The following CDKAL1 variants were observed in gnomAD, a reference collection of about 807,000 sequenced individuals.
CDKAL1 encodes the protein CDKAL1 threonylcarbamoyladenosine tRNA methylthiotransferase.
Under a neutral mutation model 68.2 loss-of-function variants are expected in CDKAL1, and 32 were observed. The ratio of observed to expected loss-of-function variants is 0.47; its 90% confidence interval spans 0.35 to 0.63. CDKAL1 has a LOEUF of 0.63. Ranked by LOEUF, CDKAL1 falls within the 30% of genes least tolerant of loss-of-function variation. The pLI is 0.00. For missense variants in CDKAL1, 606 were observed against 696.7 expected (o/e 0.87, Z 1.47); for synonymous variants, 234 against 244.3 (o/e 0.96, Z 0.39).
At chr6:21,034,691 C>A (rs2150884433) in intron 11 of CDKAL1, among the ~76,000 whole-genome samples, 1 of 152,278 alleles carries the variant, frequency 6.6e-6, no homozygotes, top group Middle Eastern at 3.4e-3. Flanking sequence ...TTTAACACAT[C>A]AAAGACTTGT....
chr6:21,140,723 C>T (rs879887630), intron 13 of CDKAL1, among the ~76,000 whole-genome samples: 1 of 152,142 alleles, frequency 6.6e-6, no homozygotes, highest in Non-Finnish European at 1.5e-5. Flanking sequence ...GTACCGCTAG[C>T]GCTCAGCATT....
chr6:21,199,556 T>TTTTTCCC (rs1230772477), intron 14 of CDKAL1, among the ~76,000 whole-genome samples: 1 of 152,170 alleles, frequency 6.6e-6, no homozygotes, highest in Non-Finnish European at 1.5e-5. Context: ...GCAGGGAACT[T>TTTTTCCC]TTTTCCCTTC....
intron 9 of CDKAL1, among the ~76,000 whole-genome samples, chr6:20,885,756 T>G (rs1244567743): frequency 4.6e-5 from 7 of 152,154 alleles, no homozygotes; most frequent in African/African-American, 1.7e-4. Flanking sequence ...AATTATAAAT[T>G]TGATACAGGT....
At chr6:20,697,927 G>A (rs1771176423) in intron 5 of CDKAL1, among the ~76,000 whole-genome samples, 1 of 152,186 alleles carries the variant, frequency 6.6e-6, no homozygotes, top group Admixed American at 6.5e-5. Context: ...TAGATCTGAA[G>A]TTTGAGTTAC....
chr6:20,736,410 T>C (rs1215336349), intron 5 of CDKAL1, among the ~76,000 whole-genome samples: 3 of 152,182 alleles, frequency 2.0e-5, no homozygotes, highest in Non-Finnish European at 4.4e-5. Context: ...GATTCCTCCT[T>C]TGGTATTTTT....
At chr6:20,906,953 C>T (rs1561874372) in intron 9 of CDKAL1, among the ~76,000 whole-genome samples, 1 of 152,126 alleles carries the variant, frequency 6.6e-6, no homozygotes, top group Non-Finnish European at 1.5e-5. Context: ...ATATATAACA[C>T]ATTATGCAAT....
chr6:20,902,278 G>GAA (rs1762025741), intron 9 of CDKAL1, among the ~76,000 whole-genome samples: 1 of 151,554 alleles, frequency 6.6e-6, no homozygotes, highest in African/African-American at 2.4e-5. Flanking sequence ...AGGGACCAGA[G>GAA]AAGAGGCTAC....
chr6:20,619,314 A>C (rs550255109), intron 4 of CDKAL1, among the ~76,000 whole-genome samples: 1 of 152,368 alleles, frequency 6.6e-6, no homozygotes, highest in Admixed American at 6.5e-5. Flanking sequence ...ATTGTACAAC[A>C]TGGTGACAAT....
chr6:21,002,850 G>A (rs1319956733), intron 11 of CDKAL1, among the ~76,000 whole-genome samples: 2 of 151,878 alleles, frequency 1.3e-5, no homozygotes, highest in East Asian at 1.9e-4. Flanking sequence ...TTAGCTGATC[G>A]TGTTGGCTCG....
At chr6:21,176,615 A>G (rs907685503) in intron 13 of CDKAL1, among the ~76,000 whole-genome samples, 1 of 152,082 alleles carries the variant, frequency 6.6e-6, no homozygotes, top group East Asian at 1.9e-4. Flanking sequence ...TATAAAGCAC[A>G]AGGCAGCTTA....
chr6:21,106,494 T>C (rs1281571520), intron 12 of CDKAL1, among the ~76,000 whole-genome samples: 1 of 152,186 alleles, frequency 6.6e-6, no homozygotes, highest in Non-Finnish European at 1.5e-5. Context: ...AAGGATCACT[T>C]GGGCCCAGGA....
At chr6:20,725,835 C>T (rs1418504286) in intron 5 of CDKAL1, among the ~76,000 whole-genome samples, 1 of 150,020 alleles carries the variant, frequency 6.7e-6, no homozygotes, top group African/African-American at 2.5e-5. Flanking sequence ...TAAACTCTAA[C>T]CTTTTTTCTC....
At chr6:20,795,015 A>G (rs1776051083) in intron 8 of CDKAL1, among the ~76,000 whole-genome samples, 2 of 151,748 alleles carry the variant, frequency 1.3e-5, no homozygotes, top group East Asian at 1.9e-4. Flanking sequence ...ATTACATGGG[A>G]TAAAGGCACT....
In CDKAL1 at chr6:20,611,038, T is replaced by C. The variant is rs538315280; in HGVS notation, c.287-38255T>C. ...CTCACAGCTTTGAGGCATTCCTTCC[T>C]TTAGAATTTATTCTAATAGTTAAGA... On this transcript the variant is annotated intron_variant, in intron 4 of 15. Coordinates refer to ENST00000274695, the MANE Select transcript of CDKAL1 (RefSeq NM_017774.3). Among the ~76,000 whole-genome samples, 44 of 152,340 alleles carry C rather than the reference T, an allele frequency of 2.9e-4. 1 individual carries two copies. The South Asian group carries it at 3.5e-3, about 12-fold the overall frequency.
chr6:21,043,347 T>TTG (rs34254730), intron 11 of CDKAL1, among the ~76,000 whole-genome samples: 2,228 of 150,360 alleles, frequency 0.015, 19 homozygotes, highest in Non-Finnish European at 0.02. Flanking sequence ...GTGTGTGTGT[T>TTG]TGTGTGTGTG....
intron 10 of CDKAL1, among the ~76,000 whole-genome samples, chr6:20,985,257 C>A (rs1019921564): frequency 3.3e-5 from 5 of 152,086 alleles, no homozygotes; most frequent in African/African-American, 1.2e-4. Flanking sequence ...TCTCTTCTAG[C>A]TATTTTGTAA....
intron 7 of CDKAL1, among the ~76,000 whole-genome samples, chr6:20,776,938 A>G (rs1266707627): frequency 6.6e-6 from 1 of 152,178 alleles, no homozygotes; most frequent in Non-Finnish European, 1.5e-5. Context: ...AAGACAGCTC[A>G]GTGGATTTGG....
chr6:20,717,937 G>A (rs1478990649), intron 5 of CDKAL1, among the ~76,000 whole-genome samples: 1 of 152,182 alleles, frequency 6.6e-6, no homozygotes, highest in Non-Finnish European at 1.5e-5. Flanking sequence ...TCATTCAGCT[G>A]TTCTGCAGCC....
chr6:21,228,305 G>A (rs1235236024), intron 15 of CDKAL1, among the ~76,000 whole-genome samples: 3 of 152,174 alleles, frequency 2.0e-5, no homozygotes, highest in Admixed American at 6.5e-5. Context: ...GAGTGTGAGC[G>A]AGGCTGTGTG....
Sources: allele counts gnomAD v4.1 joint callset (sites outside exome capture counted in the v4.1 genomes callset), GRCh38; gene constraint gnomAD v4.1.1; transcripts MANE v1.5; gene names NCBI Gene and HGNC (gene_info 2026-07-23, HGNC 2026-07-21).